The following RASL12 variants were observed in gnomAD, a reference collection of about 807,000 sequenced individuals.
RASL12 encodes the protein RAS like family 12.
In RASL12, 16 loss-of-function variants were observed where a neutral mutation model predicts 22.9. The ratio of observed to expected loss-of-function variants is 0.70; its 90% CI spans 0.47 to 1.06. The LOEUF (loss-of-function observed/expected upper bound fraction) is 1.06, where lower values mean the gene tolerates loss of function less well. Among genes scored for constraint, RASL12 ranks in the 50% least tolerant of loss-of-function variants. RASL12 has a pLI of 0.00. For missense variants in RASL12, 306 were observed against 353.1 expected (o/e 0.87, Z 1.07); for synonymous variants, 159 against 152.2 (o/e 1.04, Z -0.33).
intron 2 of RASL12, 78 bp from the exon 3 acceptor site, chr15:65,059,496 G>A: frequency 8.6e-7 from 1 of 1,162,918 alleles, no homozygotes; most frequent in Admixed American, 1.8e-5. Flanking sequence ...CTAGACCCCT[G>A]TGTGGCCTGG....
chr15:65,061,635 G>A (rs1251182952), intron 2 of RASL12, among the ~76,000 whole-genome samples: 1 of 152,220 alleles, frequency 6.6e-6, no homozygotes, highest in East Asian at 1.9e-4. Flanking sequence ...TGGGTAGAGA[G>A]AAGAGTCATT....
At chr15:65,074,497 T>C (rs2140539926) in intron 1 of RASL12, among the ~76,000 whole-genome samples, 1 of 152,158 alleles carries the variant, frequency 6.6e-6, no homozygotes, top group South Asian at 2.1e-4. Flanking sequence ...GAGTTCAAGC[T>C]GTTCTCGTGC....
chr15:65,045,770 G>C, the RASL12 span, among the ~76,000 whole-genome samples: 1 of 152,210 alleles, frequency 6.6e-6, no homozygotes, highest in Admixed American at 6.5e-5. Context: ...AACATTAAAG[G>C]CAAAACTAAC....
At chr15:65,075,863 A>G (rs2086964319) in intron 1 of RASL12, among the ~76,000 whole-genome samples, 1 of 151,510 alleles carries the variant, frequency 6.6e-6, no homozygotes, top group African/African-American at 2.4e-5. Flanking sequence ...TTGTAAATAC[A>G]CCAATCGGCA....
intron 2 of RASL12, among the ~76,000 whole-genome samples, chr15:65,061,163 T>A (rs1330539780): frequency 1.3e-5 from 2 of 150,396 alleles, no homozygotes; most frequent in Non-Finnish European, 3.0e-5. Flanking sequence ...CTTTCAAGGT[T>A]GCTGTTAGCT....
chr15:65,059,908 G>A (rs1023975306), intron 2 of RASL12, among the ~76,000 whole-genome samples: 6 of 152,212 alleles, frequency 3.9e-5, no homozygotes, highest in Admixed American at 6.5e-5. Flanking sequence ...TAGAAGTTCC[G>A]AGAAGGTTTT....
chr15:65,058,531 A>G lies in RASL12; in HGVS notation c.321T>C (p.Asp107=), dbSNP rs760861615. The change falls in exon 4 of 5, where the codon GAT becomes GAC. Residue 107 remains aspartate (D), a synonymous_variant. Transcript: ENST00000220062. ...VYSVDSRQSF[D]SSSSYLELLA... ...GCAGCTCCAGGTAGCTGCTGCTGCT[A>G]TCAAAGCTCTGGCGGCTGTCGACGC... The G allele has an allele frequency of 9.2e-5, 149 of 1,611,716 alleles. 3 individuals are homozygous for G. In the South Asian group the frequency reaches 1.6e-3, roughly 17 times the overall value.
At chr15:65,066,031 AAGAGAAGAGT>A (rs912034459) in intron 1 of RASL12, among the ~76,000 whole-genome samples, 2 of 150,026 alleles carry the variant, frequency 1.3e-5, no homozygotes, top group African/African-American at 2.4e-5. Flanking sequence ...AAGAGAAGAG[AAGAGAAGAGT>A]AGAGAAGAGA....
chr15:65,066,362 T>G (rs1293441802), intron 1 of RASL12, among the ~76,000 whole-genome samples: 3 of 151,834 alleles, frequency 2.0e-5, no homozygotes, highest in Non-Finnish European at 4.4e-5. Context: ...CTAAAAAAAT[T>G]GAAAAATTAA....
At chr15:65,059,283 C>A in intron 3 of RASL12, 62 bp downstream of exon 3, 1 of 1,449,986 alleles carries the variant, frequency 6.9e-7, no homozygotes, top group Non-Finnish European at 9.7e-7. Flanking sequence ...CACTCTGGGC[C>A]AGGACTTCTC....
upstream of RASL12, among the ~76,000 whole-genome samples, chr15:65,071,802 GC>G (rs2140537980): frequency 6.6e-6 from 1 of 152,192 alleles, no homozygotes; most frequent in African/African-American, 2.4e-5. Flanking sequence ...AGCAGCCCTG[GC>G]CCCCTGGGAG....
chr15:65,076,092 A>G (rs1159982297), intron 1 of RASL12, among the ~76,000 whole-genome samples: 5 of 152,228 alleles, frequency 3.3e-5, no homozygotes, highest in African/African-American at 1.2e-4. Flanking sequence ...CGCCCTGTCA[A>G]AACAGGCCAC....
At chr15:65,050,139 G>C, downstream of RASL12, 1 of 1,506,166 alleles carries the variant, frequency 6.6e-7, no homozygotes, top group South Asian at 1.2e-5. Flanking sequence ...GTGGGGGTGT[G>C]CCCCTCAACA....
intron 4 of RASL12, among the ~76,000 whole-genome samples, chr15:65,057,590 C>T (rs2086748131): frequency 3.3e-5 from 5 of 152,254 alleles, no homozygotes; most frequent in Middle Eastern, 3.4e-3. Context: ...ATCCTCTGGC[C>T]CAGTCTCTGA....
At chr15:65,058,114 C>T (rs1035980914) in intron 4 of RASL12, among the ~76,000 whole-genome samples, 8 of 152,264 alleles carry the variant, frequency 5.3e-5, no homozygotes, top group East Asian at 1.9e-4. Flanking sequence ...ACTAAAAACA[C>T]AAAAATTAGC....
At chr15:65,066,111 GAAGA>G (rs1377316067) in intron 1 of RASL12, among the ~76,000 whole-genome samples, 4 of 145,122 alleles carry the variant, frequency 2.8e-5, no homozygotes, top group East Asian at 2.0e-4. Flanking sequence ...GAGAAAGAAA[GAAGA>G]AAGAGAGAGA....
downstream of RASL12, among the ~76,000 whole-genome samples, chr15:65,050,940 A>G (rs1415281451): frequency 7.1e-6 from 1 of 139,968 alleles, no homozygotes; most frequent in Admixed American, 7.9e-5. Flanking sequence ...TGCCTCCTGG[A>G]TTCAAGTGAT....
At chr15:65,048,924 C>T (rs1229024073), downstream of RASL12, among the ~76,000 whole-genome samples, 2 of 149,702 alleles carry the variant, frequency 1.3e-5, no homozygotes, top group East Asian at 2.0e-4. Context: ...ACAGGAGAAT[C>T]GCTTGAACCT....
chr15:65,065,348 CTT>C, intron 1 of RASL12, 75 bp from the exon 2 acceptor site: 1 of 1,359,218 alleles, frequency 7.4e-7, no homozygotes, highest in South Asian at 1.3e-5. Flanking sequence ...TAAGGGAGGC[CTT>C]ATCTAACCTC....
Sources: allele counts gnomAD v4.1 joint callset (sites outside exome capture counted in the v4.1 genomes callset), GRCh38; gene constraint gnomAD v4.1.1; transcripts MANE v1.5; gene names NCBI Gene and HGNC (gene_info 2026-07-23, HGNC 2026-07-21).